ENTPD5: variants seen among roughly 807,000 people sequenced by gnomAD.
ENTPD5 encodes the protein ectonucleoside triphosphate diphosphohydrolase 5 (inactive), also known as nucleoside diphosphate phosphatase ENTPD5.
Under a neutral mutation model 60.2 loss-of-function variants are expected in ENTPD5, and 49 were observed. The observed-to-expected ratio is 0.81, with a 90% CI of 0.65 to 1.03. The LOEUF (loss-of-function observed/expected upper bound fraction) is 1.03. Ranked by LOEUF, ENTPD5 falls within the 50% of genes least tolerant of loss-of-function variation. The probability of loss-of-function intolerance (pLI) is 0.00; values close to 1 mark genes in which losing one functional copy is unlikely to be tolerated. For synonymous variants in ENTPD5, 187 were observed against 185.4 expected (o/e 1.01, Z -0.07); for missense variants, 480 against 507.6 (o/e 0.95, Z 0.52).
Position 74,018,697 on chromosome 14 carries a change from G to A in ENTPD5, c.-238+553C>T, listed in dbSNP as rs555541731. ...GTATCGGCCACACAGGACCTAGTGA[G>A]GCCGAGGACCCTGCTCCCGACCTCG... On this transcript the variant is annotated intron_variant, in intron 1 of 15. Transcript: ENST00000334696. 2.0e-5 allele frequency: 3 copies of A among 152,302 alleles called. No homozygotes were observed. The East Asian group carries it at 5.8e-4, about 29-fold the overall frequency. The allele number at this position is 152,302 out of a possible 1,614,324, so 9.4% of individuals were successfully genotyped here.
intron 3 of ENTPD5, among the ~76,000 whole-genome samples, chr14:73,990,901 C>A (rs571037365): frequency 3.3e-5 from 5 of 151,978 alleles, no homozygotes; most frequent in African/African-American, 1.2e-4. Flanking sequence ...TGGTGGCATG[C>A]GCCAGTAGTC....
downstream of ENTPD5, chr14:73,959,399 T>C (rs771807259): frequency 6.2e-7 from 1 of 1,614,196 alleles, no homozygotes; most frequent in Non-Finnish European, 8.5e-7. Flanking sequence ...TTGGTATTGG[T>C]GTTCTTTTGA....
intron 15 of ENTPD5, among the ~76,000 whole-genome samples, chr14:73,968,585 C>G (rs2057085369): frequency 6.6e-6 from 1 of 151,998 alleles, no homozygotes; most frequent in Non-Finnish European, 1.5e-5. Context: ...GCCACCACGC[C>G]CGGCTAATTT....
At chr14:73,958,469 A>G (rs895428300), downstream of ENTPD5, 4 of 1,442,582 alleles carry the variant, frequency 2.8e-6, no homozygotes, top group South Asian at 5.2e-5. Flanking sequence ...GAGCAATCTC[A>G]TGGGCCGTCT....
chr14:74,019,281 C>G lies in ENTPD5; in HGVS notation c.-269G>C. ...CGCGCCACCCTTGCGCGGCAGCCCG[C>G]CGCCCTCGGCGCGACCTCCGCCCCA... On this transcript the variant is annotated 5_prime_UTR_variant, in exon 1 of 16. Coordinates refer to ENST00000334696, the MANE Select transcript of ENTPD5 (RefSeq NM_001249.5). 1 of 475,194 alleles carries G rather than the reference C, an allele frequency of 2.1e-6. No individual in the cohort carries two copies. The highest frequency in any genetic ancestry group is 2.8e-6 in the Non-Finnish European group (1 of 357,228). The allele number at this position is 475,194 out of a possible 1,614,324, so 29.4% of individuals were successfully genotyped here.
At chr14:73,961,638 T>C, downstream of ENTPD5, 2 of 1,601,046 alleles carry the variant, frequency 1.2e-6, no homozygotes, top group South Asian at 2.2e-5. Flanking sequence ...GGGCCCACAG[T>C]AGCAAGAGGG....
intron 3 of ENTPD5, among the ~76,000 whole-genome samples, chr14:73,993,926 A>AC (rs931738508): frequency 1.8e-4 from 14 of 76,856 alleles, no homozygotes; most frequent in African/African-American, 6.1e-4. Context: ...AAAAACAAAC[A>AC]AAAAAAAACA....
chr14:73,968,245 TAAG>T (rs1433343292), intron 15 of ENTPD5, among the ~76,000 whole-genome samples: 1 of 152,166 alleles, frequency 6.6e-6, no homozygotes, highest in Non-Finnish European at 1.5e-5. Context: ...CTCAACTATA[TAAG>T]AAGAGGATTA....
chr14:74,005,135 A>T (rs1474877769), intron 3 of ENTPD5, among the ~76,000 whole-genome samples: 1 of 151,728 alleles, frequency 6.6e-6, no homozygotes, highest in African/African-American at 2.4e-5. Context: ...GCATGATGGG[A>T]CATGCCTGTA....
At chr14:74,015,011 G>A (rs796488499) in intron 2 of ENTPD5, among the ~76,000 whole-genome samples, 18 of 151,686 alleles carry the variant, frequency 1.2e-4, no homozygotes, top group African/African-American at 4.4e-4. Flanking sequence ...GAACCTGGGA[G>A]GCAGAGTTGA....
chr14:74,005,142 T>G (rs1185809594), intron 3 of ENTPD5, among the ~76,000 whole-genome samples: 3 of 151,400 alleles, frequency 2.0e-5, no homozygotes, highest in Non-Finnish European at 4.4e-5. Flanking sequence ...GGGACATGCC[T>G]GTAATCCCAG....
At chr14:74,005,310 T>G (rs1276656349) in intron 3 of ENTPD5, among the ~76,000 whole-genome samples, 2 of 104,202 alleles carry the variant, frequency 1.9e-5, no homozygotes, top group Non-Finnish European at 4.0e-5. Context: ...AAAAAAGAAA[T>G]AAACCAGGCG....
At chr14:73,957,477 GT>G (rs1421508443), downstream of ENTPD5, among the ~76,000 whole-genome samples, 1 of 152,088 alleles carries the variant, frequency 6.6e-6, no homozygotes, top group African/African-American at 2.4e-5. Flanking sequence ...TGGAGATAGT[GT>G]TTTGTTTTGT....
chr14:73,961,475 A>G (rs1280636456), downstream of ENTPD5: 3 of 1,614,052 alleles, frequency 1.9e-6, no homozygotes, highest in South Asian at 3.3e-5. Context: ...CACAGAGTCC[A>G]TCCGCTTGCA....
At chr14:73,994,868 CTTAT>C (rs2140723628) in intron 3 of ENTPD5, among the ~76,000 whole-genome samples, 1 of 152,112 alleles carries the variant, frequency 6.6e-6, no homozygotes, top group African/African-American at 2.4e-5. Context: ...CCTTGTCTAC[CTTAT>C]TTAAAATTAT....
In ENTPD5 at chr14:73,970,406, C is replaced by T. The variant is rs375174874; in HGVS notation, c.1085-281G>A. Among the ~76,000 whole-genome samples, 33 of 151,950 alleles carry T rather than the reference C, an allele frequency of 2.2e-4. No individual in the cohort carries two copies. In the South Asian group the frequency reaches 5.2e-3, roughly 24 times the overall value. The stretch of plus-strand genomic sequence containing the variant: ...ACTCGGGAGGCTGAGGCAGGAGAAT[C>T]GCTTGAACCTGGAAGGCAGAGGTTG... On this transcript the variant is annotated intron_variant, in intron 14 of 15. Coordinates refer to ENST00000334696, the MANE Select transcript of ENTPD5 (RefSeq NM_001249.5).
At chr14:74,017,698 T>C (rs4899489) in intron 1 of ENTPD5, among the ~76,000 whole-genome samples, 145,735 of 151,936 alleles carry the variant, frequency 0.96, 69,942 homozygotes, top group East Asian at 0.99. Context: ...CCAGCCTGGC[T>C]AGCATGGTGA....
intron 15 of ENTPD5, among the ~76,000 whole-genome samples, chr14:73,968,572 C>A (rs1227852300): frequency 1.3e-5 from 2 of 151,846 alleles, no homozygotes; most frequent in African/African-American, 4.8e-5. Flanking sequence ...ATTACAGGCA[C>A]CTGCCACCAC....
intron 5 of ENTPD5, among the ~76,000 whole-genome samples, chr14:73,984,319 C>T (rs576117804): frequency 7.2e-5 from 11 of 152,198 alleles, no homozygotes; most frequent in Non-Finnish European, 1.3e-4. Flanking sequence ...CTTGTTGGGA[C>T]TTGGTTTCCT....
Sources: gnomAD v4.1 joint callset for allele counts (sites outside exome capture counted in the v4.1 genomes callset) on GRCh38, gnomAD v4.1.1 for gene constraint, MANE v1.5 for transcripts, NCBI Gene and HGNC (gene_info 2026-07-23, HGNC 2026-07-21) for gene names.